Variants in LGSN observed in about 807,000 individuals in gnomAD.
LGSN encodes the protein lengsin, lens protein with glutamine synthetase domain, also known as lengsin.
A neutral mutation model predicts 19.5 loss-of-function variants in LGSN; 21 were observed. That is an observed-to-expected ratio of 1.07 (90% CI 0.76 to 1.55). The LOEUF (loss-of-function observed/expected upper bound fraction) is 1.55. Ranked by LOEUF, LGSN falls within the 40% of genes most tolerant of loss-of-function variation. The probability of loss-of-function intolerance (pLI) is 0.00; values close to 1 mark genes in which losing one functional copy is unlikely to be tolerated. For synonymous variants in LGSN, 257 were observed against 215.6 expected (o/e 1.19, Z -1.68); for missense variants, 673 against 608.5 (o/e 1.11, Z -1.12).
chr6:63,371,289 T>C, the LGSN span, among the ~76,000 whole-genome samples: 2 of 152,208 alleles, frequency 1.3e-5, no homozygotes, highest in Admixed American at 6.5e-5. Flanking sequence ...GTCCCTGCCA[T>C]AGCAATTCAA....
the LGSN span, among the ~76,000 whole-genome samples, chr6:63,454,320 A>T: frequency 4.6e-5 from 7 of 152,174 alleles, no homozygotes; most frequent in Non-Finnish European, 7.3e-5. Context: ...GAAAAAATAA[A>T]TTCTTACCAC....
At chr6:63,471,672 A>T in the LGSN span, among the ~76,000 whole-genome samples, 1 of 152,022 alleles carries the variant, frequency 6.6e-6, no homozygotes, top group East Asian at 1.9e-4. Context: ...GTCAAAAAAA[A>T]AAAAAAATCA....
intron 1 of LGSN, among the ~76,000 whole-genome samples, chr6:63,296,257 C>T (rs537146430): frequency 6.6e-6 from 1 of 151,828 alleles, no homozygotes. Flanking sequence ...TGGTCTTTTT[C>T]ACTCCAAATA....
At chr6:63,532,922 A>C in the LGSN span, among the ~76,000 whole-genome samples, 7 of 152,232 alleles carry the variant, frequency 4.6e-5, no homozygotes, top group Non-Finnish European at 8.8e-5. Context: ...AATGTATTGC[A>C]CTAAGGTATT....
At chr6:63,506,353 T>A in the LGSN span, among the ~76,000 whole-genome samples, 1 of 151,892 alleles carries the variant, frequency 6.6e-6, no homozygotes, top group African/African-American at 2.4e-5. Flanking sequence ...AACCTCCACC[T>A]CCCAGGTTCA....
chr6:63,415,393 G>C, the LGSN span, among the ~76,000 whole-genome samples: 1 of 152,192 alleles, frequency 6.6e-6, no homozygotes, highest in Non-Finnish European at 1.5e-5. Flanking sequence ...TTGACTCACA[G>C]TTCAGCATGG....
the LGSN span, among the ~76,000 whole-genome samples, chr6:63,328,380 T>C: frequency 6.6e-6 from 1 of 152,198 alleles, no homozygotes; most frequent in Non-Finnish European, 1.5e-5. Context: ...GCCACGCACA[T>C]GCATATTTCA....
At chr6:63,557,059 T>A in the LGSN span, among the ~76,000 whole-genome samples, 29 of 152,316 alleles carry the variant, frequency 1.9e-4, no homozygotes, top group East Asian at 7.7e-4. Context: ...AAATACTTAT[T>A]ATGTGCCAAG....
chr6:63,540,794 C>G, the LGSN span, among the ~76,000 whole-genome samples: 1,122 of 151,142 alleles, frequency 7.4e-3, 3 homozygotes, highest in Non-Finnish European at 0.011. Flanking sequence ...AATAGGACCC[C>G]GTCTCTACTA....
At chr6:63,572,303 G>C in the LGSN span, 10 of 210,950 alleles carry the variant, frequency 4.7e-5, no homozygotes, top group Non-Finnish European at 8.5e-5. Context: ...CCGACTCGGC[G>C]CTTAGCCATT....
chr6:63,469,576 G>A, the LGSN span, among the ~76,000 whole-genome samples: 1 of 152,098 alleles, frequency 6.6e-6, no homozygotes, highest in Non-Finnish European at 1.5e-5. Context: ...ATTTTTGTAA[G>A]ATCAAACAGA....
the LGSN span, among the ~76,000 whole-genome samples, chr6:63,412,773 AAG>A: frequency 5.1e-5 from 1 of 19,496 alleles, no homozygotes; most frequent in South Asian, 1.8e-3. Flanking sequence ...GAAAGAAAGG[AAG>A]GAAGGGAAGG....
At chr6:63,287,015 T>C (rs1013196138) in intron 2 of LGSN, among the ~76,000 whole-genome samples, 1 of 152,190 alleles carries the variant, frequency 6.6e-6, no homozygotes, top group Admixed American at 6.5e-5. Context: ...TCTCACATCA[T>C]TGATGTTGAG....
At chr6:63,448,014 T>C in the LGSN span, among the ~76,000 whole-genome samples, 1 of 152,200 alleles carries the variant, frequency 6.6e-6, no homozygotes, top group Admixed American at 6.5e-5. Flanking sequence ...CATAGTTCCA[T>C]AAAAGAATGA....
chr6:63,358,373 T>G, the LGSN span, among the ~76,000 whole-genome samples: 1 of 152,320 alleles, frequency 6.6e-6, no homozygotes, highest in African/African-American at 2.4e-5. Flanking sequence ...GTGAAGAAAG[T>G]CATTGGTAGC....
the LGSN span, among the ~76,000 whole-genome samples, chr6:63,483,926 A>G: frequency 6.6e-6 from 1 of 151,936 alleles, no homozygotes; most frequent in Admixed American, 6.6e-5. Context: ...GGTTAGCACT[A>G]ATGAATTTGA....
At chr6:63,414,518 T>A in the LGSN span, among the ~76,000 whole-genome samples, 1 of 152,248 alleles carries the variant, frequency 6.6e-6, no homozygotes, top group African/African-American at 2.4e-5. Context: ...TCTATTACCT[T>A]GATTATGGTA....
chr6:63,410,109 C>T, the LGSN span, among the ~76,000 whole-genome samples: 3 of 152,124 alleles, frequency 2.0e-5, no homozygotes, highest in African/African-American at 7.2e-5. Flanking sequence ...CTTAATATGG[C>T]TATGAAGATA....
chr6:63,470,779 C>A, the LGSN span, among the ~76,000 whole-genome samples: 1 of 151,922 alleles, frequency 6.6e-6, no homozygotes, highest in Admixed American at 6.6e-5. Flanking sequence ...AGAAGAACAC[C>A]AAAGAACATT....
Sources: gnomAD v4.1 joint callset for allele counts (sites outside exome capture counted in the v4.1 genomes callset) on GRCh38, gnomAD v4.1.1 for gene constraint, MANE v1.5 for transcripts, NCBI Gene and HGNC (gene_info 2026-07-23, HGNC 2026-07-21) for gene names.